CTNNA2: variants seen among roughly 807,000 people sequenced by gnomAD.
CTNNA2 encodes catenin alpha 2, also known as catenin alpha-2.
A neutral mutation model predicts 101.0 loss-of-function variants in CTNNA2; 42 were observed. That is an observed-to-expected ratio of 0.42 (90% CI 0.32 to 0.54). CTNNA2 has a LOEUF of 0.54. Ranked by LOEUF, CTNNA2 falls within the 20% of genes least tolerant of loss-of-function variation. The pLI, the probability that CTNNA2 is intolerant of heterozygous loss-of-function variation, is 0.14. For synonymous variants in CTNNA2, 450 were observed against 456.4 expected, an observed-to-expected ratio of 0.99 and a Z score of 0.18; for missense variants, 871 against 1,223.1, an observed-to-expected ratio of 0.71 and a Z score of 4.29.
Position 79,271,778 on chromosome 2 carries a change from C to T in CTNNA2, c.-405-40931C>T, listed in dbSNP as rs148883454. Among the ~76,000 whole-genome samples, 306 of 152,132 alleles carry T rather than the reference C, an allele frequency of 2.0e-3. 1 individual carries two copies. Among genetic ancestry groups the T allele is most frequent in the African/African-American group, 7.1e-3 (295 of 41,528 alleles). ...GTAAGAGGAATTTAACAGAGATGACCATGGGAAAGGCTGTAAAGTAGTTCA... is the reference window on the plus strand; with the variant it reads ...GTAAGAGGAATTTAACAGAGATGACTATGGGAAAGGCTGTAAAGTAGTTCA... On this transcript the variant is annotated intron_variant, in intron 2 of 21. Coordinates refer to the CTNNA2 transcript ENST00000466387.
At chr2:80,309,125 G>A (rs1331423922) in intron 7 of CTNNA2, among the ~76,000 whole-genome samples, 2 of 151,990 alleles carry the variant, frequency 1.3e-5, no homozygotes, top group African/African-American at 4.8e-5. Context: ...GAGAGAGAGA[G>A]AGAAAGAAAA....
At chr2:80,567,219 A>G (rs1386839132) in intron 12 of CTNNA2, among the ~76,000 whole-genome samples, 2 of 150,430 alleles carry the variant, frequency 1.3e-5, no homozygotes, top group African/African-American at 2.4e-5. Flanking sequence ...AAGACCTTCT[A>G]TTAATTTATG....
intron 1 of CTNNA2, among the ~76,000 whole-genome samples, chr2:79,620,461 C>A (rs981494217): frequency 6.6e-6 from 1 of 152,224 alleles, no homozygotes; most frequent in Non-Finnish European, 1.5e-5. Flanking sequence ...CCTCTCCACT[C>A]ATACACATAT....
chr2:79,325,091 T>C (rs1325399160), intron 3 of CTNNA2, among the ~76,000 whole-genome samples: 1 of 151,996 alleles, frequency 6.6e-6, no homozygotes, highest in East Asian at 1.9e-4. Context: ...AAGATTAAGA[T>C]AAGAGATAGG....
At chr2:79,450,903 A>G (rs1365027136) in intron 4 of CTNNA2, among the ~76,000 whole-genome samples, 4 of 152,140 alleles carry the variant, frequency 2.6e-5, no homozygotes, top group African/African-American at 7.2e-5. Flanking sequence ...GAGCCCATCT[A>G]GCAGTTTAGG....
chr2:80,500,953 G>C (rs1421980130), intron 9 of CTNNA2, among the ~76,000 whole-genome samples: 13 of 152,122 alleles, frequency 8.5e-5, no homozygotes, highest in Non-Finnish European at 1.9e-4. Flanking sequence ...TTGATTTACA[G>C]GTAAGAGGAG....
intron 7 of CTNNA2, among the ~76,000 whole-genome samples, chr2:79,942,934 C>G (rs1688253622): frequency 1.3e-5 from 2 of 152,100 alleles, no homozygotes; most frequent in Non-Finnish European, 2.9e-5. Context: ...TAAGAGAAGT[C>G]AGCTGAGCAT....
intron 7 of CTNNA2, among the ~76,000 whole-genome samples, chr2:80,226,453 C>A (rs1001862263): frequency 2.0e-5 from 3 of 152,208 alleles, no homozygotes; most frequent in Non-Finnish European, 4.4e-5. Flanking sequence ...GGTGCCACAT[C>A]GGCACAGGTG....
At chr2:80,634,349 A>T (rs1672630875) in intron 18 of CTNNA2, among the ~76,000 whole-genome samples, 1 of 152,126 alleles carries the variant, frequency 6.6e-6, no homozygotes, top group Admixed American at 6.6e-5. Flanking sequence ...GATGTGAGGG[A>T]GCAAGCCTTA....
At chr2:79,976,945 T>A (rs1574453678) in intron 7 of CTNNA2, among the ~76,000 whole-genome samples, 1 of 152,166 alleles carries the variant, frequency 6.6e-6, no homozygotes, top group East Asian at 1.9e-4. Context: ...TTCTTAAATA[T>A]GAGACTTGTT....
intron 7 of CTNNA2, among the ~76,000 whole-genome samples, chr2:80,238,006 T>C (rs1217923614): frequency 1.3e-5 from 2 of 152,152 alleles, no homozygotes; most frequent in East Asian, 1.9e-4. Flanking sequence ...TCCCCTGACG[T>C]GTCTCTTAAA....
intron 3 of CTNNA2, among the ~76,000 whole-genome samples, chr2:79,801,101 C>G (rs1676119161): frequency 6.6e-6 from 1 of 152,158 alleles, no homozygotes; most frequent in Non-Finnish European, 1.5e-5. Flanking sequence ...TTAGAAAGGA[C>G]TTGAGAAAGG....
chr2:80,032,948 C>T (rs1177964452), intron 7 of CTNNA2, among the ~76,000 whole-genome samples: 2 of 151,710 alleles, frequency 1.3e-5, no homozygotes, highest in African/African-American at 2.4e-5. Flanking sequence ...GTCAAGAGGT[C>T]GAGACCATCC....
At chr2:79,727,501 A>T (rs1033207175) in intron 2 of CTNNA2, among the ~76,000 whole-genome samples, 1 of 152,158 alleles carries the variant, frequency 6.6e-6, no homozygotes, top group Non-Finnish European at 1.5e-5. Flanking sequence ...TTGAAAATCA[A>T]TACTATCCCA....
intron 3 of CTNNA2, among the ~76,000 whole-genome samples, chr2:79,358,495 T>C (rs1294516373): frequency 6.6e-6 from 1 of 152,162 alleles, no homozygotes; most frequent in East Asian, 1.9e-4. Flanking sequence ...CCACTGCGCC[T>C]GGCCAAGTGG....
chr2:79,899,200 T>C (rs562424192), intron 6 of CTNNA2, among the ~76,000 whole-genome samples: 2 of 152,196 alleles, frequency 1.3e-5, no homozygotes, highest in East Asian at 3.9e-4. Context: ...AAGAATAAAA[T>C]CCATTTCCTT....
chr2:79,359,410 G>A (rs1677577005), intron 3 of CTNNA2, among the ~76,000 whole-genome samples: 3 of 152,186 alleles, frequency 2.0e-5, no homozygotes, highest in Admixed American at 2.0e-4. Context: ...CCCCTGCTGA[G>A]AGAAACCCTA....
At chr2:79,608,872 A>C (rs62140083) in intron 1 of CTNNA2, among the ~76,000 whole-genome samples, 20,211 of 151,804 alleles carry the variant, frequency 0.13, 2,243 homozygotes, top group African/African-American at 0.31. Flanking sequence ...ACTCTCCTTG[A>C]TTTTATTCAG....
chr2:79,430,378 G>C (rs1350868185), intron 4 of CTNNA2, among the ~76,000 whole-genome samples: 1 of 152,078 alleles, frequency 6.6e-6, no homozygotes, highest in East Asian at 1.9e-4. Flanking sequence ...TTTAGCTGGA[G>C]GAATCCCAGA....
Sources: gnomAD v4.1 joint callset for allele counts (sites outside exome capture counted in the v4.1 genomes callset) on GRCh38, gnomAD v4.1.1 for gene constraint, MANE v1.5 for transcripts, NCBI Gene and HGNC (gene_info 2026-07-23, HGNC 2026-07-21) for gene names.